The following WNT9B variants were observed in gnomAD, a reference collection of about 807,000 sequenced individuals.
The protein encoded by WNT9B is protein Wnt-9b.
In WNT9B, 12 loss-of-function variants were observed where a neutral mutation model predicts 30.2. That is an observed-to-expected ratio of 0.40 (90% CI 0.26 to 0.64). WNT9B has a LOEUF of 0.64. Among genes scored for constraint, WNT9B ranks in the 30% least tolerant of loss-of-function variants. The pLI is 0.42. For synonymous variants in WNT9B, 218 were observed against 216.9 expected, an observed-to-expected ratio of 1.01 and a Z score of -0.05; for missense variants, 442 against 485.2, an observed-to-expected ratio of 0.91 and a Z score of 0.84.
At chr17:46,872,805 T>TGGGGGCGGGGGGGGGCG in intron 2 of WNT9B, 32 bp downstream of exon 2, 1 of 1,089,656 alleles carries the variant, frequency 9.2e-7, no homozygotes, top group Non-Finnish European at 1.3e-6. Context: ...CGGGGAGGGC[T>TGGGGGCGGGGGGGGGCG]GGGGGAAGAA....
At chr17:46,848,042 C>T (rs371896479), upstream of WNT9B, among the ~76,000 whole-genome samples, 1 of 151,966 alleles carries the variant, frequency 6.6e-6, no homozygotes, top group African/African-American at 2.4e-5. Context: ...CAGCCCTGAG[C>T]GCTGGCTGCC....
chr17:46,872,915 T>A, intron 2 of WNT9B, 142 bp downstream of exon 2: 2 of 1,075,856 alleles, frequency 1.9e-6, no homozygotes, highest in Non-Finnish European at 2.5e-6. Context: ...CGGTCCCAAA[T>A]GAGAAGAGTC....
chr17:46,833,806 G>A (rs868864782), intron 1 of WNT9B, among the ~76,000 whole-genome samples: 3 of 152,158 alleles, frequency 2.0e-5, no homozygotes, highest in Non-Finnish European at 2.9e-5. Context: ...TCCTGATCGG[G>A]AGGCTTGCTT....
chr17:46,847,104 G>A (rs1419693435), upstream of WNT9B, among the ~76,000 whole-genome samples: 1 of 152,140 alleles, frequency 6.6e-6, no homozygotes, highest in South Asian at 2.1e-4. Context: ...AAAATGCAAG[G>A]AAGATAAAAA....
chr17:46,842,061 G>A (rs1364420429), intron 1 of WNT9B, among the ~76,000 whole-genome samples: 9 of 152,176 alleles, frequency 5.9e-5, no homozygotes, highest in Non-Finnish European at 1.5e-5. Flanking sequence ...GACCCGGGAG[G>A]CCTCCCCCTC....
intron 1 of WNT9B, among the ~76,000 whole-genome samples, chr17:46,845,115 C>G (rs2084760446): frequency 6.6e-6 from 1 of 152,238 alleles, no homozygotes; most frequent in Non-Finnish European, 1.5e-5. Flanking sequence ...TCCCAAAGTG[C>G]TTGGATTACA....
chr17:46,869,130 C>G (rs971993486), intron 1 of WNT9B, among the ~76,000 whole-genome samples: 1 of 152,170 alleles, frequency 6.6e-6, no homozygotes, highest in African/African-American at 2.4e-5. Context: ...CTGGGCAGAC[C>G]AGGGCCCGGT....
chr17:46,875,056 C>T (rs772443750), intron 2 of WNT9B, 45 bp from the exon 3 acceptor site: 1 of 1,613,160 alleles, frequency 6.2e-7, no homozygotes, highest in Non-Finnish European at 8.5e-7. Flanking sequence ...CCTTTCCTCT[C>T]TTCCCCCTTT....
chr17:46,844,774 G>T (rs921156492), intron 1 of WNT9B, among the ~76,000 whole-genome samples: 8 of 152,032 alleles, frequency 5.3e-5, no homozygotes, highest in Non-Finnish European at 1.0e-4. Context: ...TAAACTTCTA[G>T]TCCCTAAGAA....
intron 1 of WNT9B, among the ~76,000 whole-genome samples, chr17:46,858,265 A>T: frequency 6.6e-6 from 1 of 152,150 alleles, no homozygotes; most frequent in East Asian, 1.9e-4. Context: ...TCTTTGTCAC[A>T]AGTACTGGTA....
At chr17:46,849,357 G>A (rs887732782), upstream of WNT9B, among the ~76,000 whole-genome samples, 2 of 152,210 alleles carry the variant, frequency 1.3e-5, no homozygotes, top group Non-Finnish European at 2.9e-5. Flanking sequence ...CCTTCTCCAT[G>A]CACAAGCATG....
At chr17:46,851,358 G>T (rs1039529126), upstream of WNT9B, among the ~76,000 whole-genome samples, 8 of 151,416 alleles carry the variant, frequency 5.3e-5, no homozygotes, top group South Asian at 2.1e-4. The surrounding 1 kb of genome is among the most constrained non-coding windows in gnomAD (Gnocchi z 4.3). Flanking sequence ...CGGGCGCGGC[G>T]CCAGGTGAGC....
intron 1 of WNT9B, among the ~76,000 whole-genome samples, chr17:46,852,234 A>C (rs1387534102): frequency 2.6e-5 from 4 of 151,988 alleles, no homozygotes; most frequent in Non-Finnish European, 5.9e-5. Context: ...GGGGCAGAGG[A>C]TCGTGCGCGT....
intron 1 of WNT9B, among the ~76,000 whole-genome samples, chr17:46,863,829 A>G (rs2085084665): frequency 6.6e-6 from 1 of 152,098 alleles, no homozygotes; most frequent in Non-Finnish European, 1.5e-5. Context: ...TAGTGGTTCT[A>G]TTCCCAAGGG....
rs1387166206 is a variant in WNT9B, at chr17:46,879,788, C to T, written c.*3070C>T. ...AGAACTCAGGGAAGCAGTTCCTTCC[C>T]AGGCTGTGATCCCAGCCTTTTGGAT... On this transcript the variant is annotated 3_prime_UTR_variant, in exon 4 of 4. Coordinates refer to ENST00000290015, the MANE Select transcript of WNT9B (RefSeq NM_003396.3). Among the ~76,000 whole-genome samples the T allele has an allele frequency of 6.6e-6, 1 of 152,224 alleles. No individual in the cohort carries two copies. Among genetic ancestry groups the T allele is most frequent in the African/African-American group, 2.4e-5 (1 of 41,466 alleles).
At chr17:46,865,840 A>G (rs1274739846) in intron 1 of WNT9B, among the ~76,000 whole-genome samples, 1 of 152,074 alleles carries the variant, frequency 6.6e-6, no homozygotes, top group Non-Finnish European at 1.5e-5. Context: ...TTGAACTCCT[A>G]GGCTCAAGTG....
At chr17:46,839,941 TTTC>T (rs1555693215) in intron 1 of WNT9B, among the ~76,000 whole-genome samples, 1 of 149,270 alleles carries the variant, frequency 6.7e-6, no homozygotes, top group South Asian at 2.2e-4. Flanking sequence ...TCTTTCTTTC[TTTC>T]TTTCTTTCTT....
At chr17:46,863,823 G>C (rs2085084554) in intron 1 of WNT9B, among the ~76,000 whole-genome samples, 1 of 152,110 alleles carries the variant, frequency 6.6e-6, no homozygotes, top group African/African-American at 2.4e-5. Flanking sequence ...CAGTCCTAGT[G>C]GTTCTATTCC....
chr17:46,862,706 C>T (rs1235330306), intron 1 of WNT9B, among the ~76,000 whole-genome samples: 1 of 152,132 alleles, frequency 6.6e-6, no homozygotes, highest in East Asian at 1.9e-4. Flanking sequence ...CCTCAGCCTC[C>T]CGAGTAGCTA....
Sources: gnomAD v4.1 joint callset for allele counts (sites outside exome capture counted in the v4.1 genomes callset) on GRCh38, gnomAD v4.1.1 for gene constraint, Gnocchi (gnomAD v3.1) non-coding constraint, MANE v1.5 for transcripts, NCBI Gene and HGNC (gene_info 2026-07-23, HGNC 2026-07-21) for gene names.